The following PTPRD variants were observed in gnomAD, a reference collection of about 807,000 sequenced individuals.
PTPRD encodes the protein receptor-type tyrosine-protein phosphatase delta.
In PTPRD, 34 loss-of-function variants were observed where a neutral mutation model predicts 214.5. The ratio of observed to expected loss-of-function variants is 0.16; its 90% CI spans 0.12 to 0.21. The LOEUF (loss-of-function observed/expected upper bound fraction) is 0.21. Ranked by LOEUF, PTPRD falls within the 10% of genes least tolerant of loss-of-function variation. The probability of loss-of-function intolerance (pLI) is 1.00; values close to 1 mark genes in which losing one functional copy is unlikely to be tolerated. For synonymous variants in PTPRD, 1,128 were observed against 845.7 expected (o/e 1.33, Z -5.79); for missense variants, 2,545 against 2,398.7 (o/e 1.06, Z -1.27).
chr9:9,431,361 C>T (rs1051644826), intron 8 of PTPRD, among the ~76,000 whole-genome samples: 5 of 152,168 alleles, frequency 3.3e-5, no homozygotes, highest in South Asian at 2.1e-4. Flanking sequence ...GAGATACCAT[C>T]TCACACCAGT....
rs549626103 is a variant in PTPRD, at chr9:9,695,945, AT to A, written c.-287+38587del. ...TTTTGGAAGTATTTCCTCCTTTTCA[AT>A]TTTTTTTTAGTTTGAATACAATTGG... is the stretch of plus-strand genomic sequence containing the variant. On this transcript the variant is annotated intron_variant, in intron 7 of 45. Coordinates refer to ENST00000381196, the MANE Select transcript of PTPRD (RefSeq NM_002839.4). 9.8e-4 allele frequency among the ~76,000 whole-genome samples: 148 copies of A among 151,272 alleles called. 1 individual carries two copies. Among genetic ancestry groups the A allele is most frequent in the Non-Finnish European group, 1.4e-3 (92 of 67,704 alleles).
intron 9 of PTPRD, among the ~76,000 whole-genome samples, chr9:9,196,669 T>C (rs752583588): frequency 9.9e-5 from 15 of 152,212 alleles, no homozygotes; most frequent in Non-Finnish European, 1.8e-4. Flanking sequence ...GAATATTACG[T>C]GAAATCATGC....
intron 5 of PTPRD, among the ~76,000 whole-genome samples, chr9:9,867,959 A>G (rs1031198645): frequency 3.3e-5 from 5 of 152,124 alleles, no homozygotes; most frequent in Non-Finnish European, 5.9e-5. Flanking sequence ...CTCCACAAAG[A>G]GCTGCACATG....
chr9:8,761,503 T>C (rs377437116), intron 11 of PTPRD, among the ~76,000 whole-genome samples: 10 of 152,270 alleles, frequency 6.6e-5, no homozygotes, highest in African/African-American at 2.4e-4. Context: ...TAAATTAGAA[T>C]TGGAGGATAG....
chr9:9,782,287 A>G (rs998031008), intron 5 of PTPRD, among the ~76,000 whole-genome samples: 2 of 152,118 alleles, frequency 1.3e-5, no homozygotes, highest in Non-Finnish European at 2.9e-5. Context: ...GGTACCTCTA[A>G]GTCCTAATTT....
At chr9:10,484,104 T>C (rs566161703) in intron 2 of PTPRD, among the ~76,000 whole-genome samples, 1 of 152,156 alleles carries the variant, frequency 6.6e-6, no homozygotes, top group African/African-American at 2.4e-5. Context: ...CACCATGGAA[T>C]ACTGCTTGGT....
chr9:8,982,404 A>G (rs1478390328), intron 11 of PTPRD, among the ~76,000 whole-genome samples: 2 of 152,106 alleles, frequency 1.3e-5, no homozygotes, highest in Admixed American at 6.6e-5. Context: ...TGTTTTCCCA[A>G]CAAGAATAAC....
chr9:8,919,427 A>C (rs921580369), intron 11 of PTPRD, among the ~76,000 whole-genome samples: 1 of 151,796 alleles, frequency 6.6e-6, no homozygotes, highest in Admixed American at 6.6e-5. Context: ...GATTTATCTA[A>C]TTTCTGTTGG....
At chr9:8,536,234 T>C (rs1421673361) in intron 14 of PTPRD, among the ~76,000 whole-genome samples, 1 of 152,092 alleles carries the variant, frequency 6.6e-6, no homozygotes, top group South Asian at 2.1e-4. Flanking sequence ...CATGTAGTGA[T>C]GAAACTCTTA....
At chr9:8,459,218 A>G (rs1255677339) in intron 33 of PTPRD, among the ~76,000 whole-genome samples, 1 of 152,092 alleles carries the variant, frequency 6.6e-6, no homozygotes, top group Non-Finnish European at 1.5e-5. Flanking sequence ...GTGAATGGAA[A>G]TGAGATTATT....
rs146581327 is a variant in PTPRD, at chr9:10,447,463, A to G, written c.-599-106446T>C. 9.9e-4 allele frequency among the ~76,000 whole-genome samples: 151 copies of G among 152,068 alleles called. 3 individuals carry two copies. The highest frequency in any genetic ancestry group is 3.5e-3 in the African/African-American group (145 of 41,388). Reference sequence around the variant, plus strand: ...TCTGGCTTTTGGGAGCTTGGTGGAAACCTGAACCTCTGCCATCAGATGTGG... The same window carrying G: ...TCTGGCTTTTGGGAGCTTGGTGGAAGCCTGAACCTCTGCCATCAGATGTGG... On this transcript the variant is annotated intron_variant, in intron 2 of 45. Transcript: ENST00000381196.
intron 10 of PTPRD, among the ~76,000 whole-genome samples, chr9:9,169,990 C>A (rs1276009573): frequency 6.6e-6 from 1 of 152,158 alleles, no homozygotes; most frequent in Non-Finnish European, 1.5e-5. Context: ...TGTCATTTTG[C>A]AAGCACCACA....
At chr9:10,083,761 T>TC (rs2098281099) in intron 3 of PTPRD, among the ~76,000 whole-genome samples, 1 of 151,924 alleles carries the variant, frequency 6.6e-6, no homozygotes, top group South Asian at 2.1e-4. Flanking sequence ...CTTTAGATTC[T>TC]CATAAGGAGC....
chr9:9,266,601 G>A (rs1039464109), intron 9 of PTPRD, among the ~76,000 whole-genome samples: 6 of 149,846 alleles, frequency 4.0e-5, no homozygotes, highest in African/African-American at 1.5e-4. Context: ...GAATAAATAA[G>A]TAGAATAAGT....
intron 3 of PTPRD, among the ~76,000 whole-genome samples, chr9:10,114,910 A>C (rs997755835): frequency 6.6e-6 from 1 of 151,804 alleles, no homozygotes. Context: ...TTTATTGTAA[A>C]ATTTTCTAAG....
At chr9:10,210,170 A>G (rs1337925303) in intron 3 of PTPRD, among the ~76,000 whole-genome samples, 1 of 152,206 alleles carries the variant, frequency 6.6e-6, no homozygotes, top group Non-Finnish European at 1.5e-5. Flanking sequence ...TTAAAATACA[A>G]TTGTGAAAAA....
At chr9:8,789,786 C>A (rs1032157522) in intron 11 of PTPRD, among the ~76,000 whole-genome samples, 31 of 152,024 alleles carry the variant, frequency 2.0e-4, no homozygotes, top group Non-Finnish European at 2.5e-4. Context: ...GTGTCTCACA[C>A]CATACACAAA....
At chr9:9,490,682 T>C (rs1408317761) in intron 8 of PTPRD, among the ~76,000 whole-genome samples, 1 of 151,878 alleles carries the variant, frequency 6.6e-6, no homozygotes, top group Non-Finnish European at 1.5e-5. Context: ...AAATTCAGGA[T>C]ATAATTACCA....
At chr9:8,586,600 T>C (rs2093676349) in intron 14 of PTPRD, among the ~76,000 whole-genome samples, 1 of 152,186 alleles carries the variant, frequency 6.6e-6, no homozygotes. Context: ...CAACACAGTA[T>C]GACTTTTCAT....
Sources: gnomAD v4.1 joint callset for allele counts (sites outside exome capture counted in the v4.1 genomes callset) on GRCh38, gnomAD v4.1.1 for gene constraint, MANE v1.5 for transcripts, NCBI Gene and HGNC (gene_info 2026-07-23, HGNC 2026-07-21) for gene names.